The following BTN2A1 variants were observed in gnomAD, a reference collection of about 807,000 sequenced individuals.
BTN2A1 encodes butyrophilin subfamily 2 member A1.
Under a neutral mutation model 34.5 loss-of-function variants are expected in BTN2A1, and 41 were observed. The ratio of observed to expected loss-of-function variants is 1.19; its 90% CI spans 0.93 to 1.54. BTN2A1 has a LOEUF of 1.54. Ranked by LOEUF, BTN2A1 falls within the 40% of genes most tolerant of loss-of-function variation. The pLI is 0.00. For missense variants in BTN2A1, 642 were observed against 662.0 expected, an observed-to-expected ratio of 0.97 and a Z score of 0.33; for synonymous variants, 267 against 258.6, an observed-to-expected ratio of 1.03 and a Z score of -0.31.
At chr6:26,464,414 A>G (rs6911765) in intron 4 of BTN2A1, among the ~76,000 whole-genome samples, 18,640 of 152,242 alleles carry the variant, frequency 0.12, 1,982 homozygotes, top group African/African-American at 0.29. Flanking sequence ...ATGAACATCT[A>G]TAGGAAACAT....
rs996555951 is a variant in BTN2A1 at position 26,458,708 on chromosome 6, A to G, written c.72A>G (p.Ala24=). 2.5e-6 allele frequency: 4 copies of G among 1,613,886 alleles called. No individual in the cohort carries two copies. The highest frequency in any genetic ancestry group is 1.7e-5 in the Admixed American group (1 of 60,004). ...SLLLLLLSLC[A]LVSAQFIVVG... Reference sequence around the variant, plus strand: ...TCCTCCTCCTCCTCAGCCTGTGTGCACTGGTCTCAGGTAGGGATGTGTGCC... The same window carrying G: ...TCCTCCTCCTCCTCAGCCTGTGTGCGCTGGTCTCAGGTAGGGATGTGTGCC... Residue 24 remains alanine, a synonymous_variant, in exon 2 of 8, where the codon GCA becomes GCG. Coordinates refer to ENST00000312541, the MANE Select transcript of BTN2A1 (RefSeq NM_007049.5).
At chr6:26,465,767 T>A (rs867669630) in intron 5 of BTN2A1, 186 bp from the exon 6 acceptor site, 1 of 964,456 alleles carries the variant, frequency 1.0e-6, no homozygotes, top group Non-Finnish European at 1.2e-6. Flanking sequence ...AAAGCAAGTG[T>A]AACAATGTGC....
intron 7 of BTN2A1, 136 bp from the exon 8 acceptor site, chr6:26,467,812 A>G (rs1763356092): frequency 1.3e-6 from 2 of 1,559,108 alleles, no homozygotes; most frequent in Non-Finnish European, 1.7e-6. Context: ...GCTGCCTAGG[A>G]TCAGAGAGCC....
At chr6:26,465,930 G>T (rs1469464256) in intron 5 of BTN2A1, 23 bp from the exon 6 acceptor site, 1 of 1,614,062 alleles carries the variant, frequency 6.2e-7, no homozygotes, top group Admixed American at 1.7e-5. Context: ...TCAAAGACAT[G>T]ATTTTCTTTG....
intron 6 of BTN2A1, 44 bp from the exon 7 acceptor site, chr6:26,466,018 C>G (rs1417181524): frequency 1.9e-6 from 3 of 1,614,096 alleles, no homozygotes; most frequent in Non-Finnish European, 2.5e-6. Context: ...TTGAGTTCTG[C>G]TCAGCAACAT....
At chr6:26,472,564 C>T (rs568209497), downstream of BTN2A1, among the ~76,000 whole-genome samples, 84 of 152,214 alleles carry the variant, frequency 5.5e-4, 1 homozygote, top group African/African-American at 1.9e-3. Context: ...TGTGACCCAA[C>T]TAAAGTTGCA....
At chr6:26,474,571 GA>G (rs1763506318), downstream of BTN2A1, among the ~76,000 whole-genome samples, 1 of 152,146 alleles carries the variant, frequency 6.6e-6, no homozygotes, top group South Asian at 2.1e-4. Context: ...AGGCCTGGAA[GA>G]AAAGGGACTG....
chr6:26,459,724 C>T lies in BTN2A1; in HGVS notation c.326C>T (p.Ala109Val), dbSNP rs1180277481. 1.9e-6 allele frequency: 3 copies of T among 1,614,106 alleles called. No homozygotes were observed. The highest frequency in any genetic ancestry group is 1.6e-4 in the Middle Eastern group (1 of 6,062). Residue 109 changes from alanine to valine, a missense_variant, in exon 3 of 8, where the codon GCC becomes GTC. Coordinates refer to ENST00000312541, the MANE Select transcript of BTN2A1 (RefSeq NM_007049.5). ...VSKDISRGSV[A>V]LVIHNITAQE... is the part of the protein sequence containing the mutation. ...AAAGACATCAGCAGGGGCAGCGTGG[C>T]CCTGGTCATACACAACATCACAGCC...
rs1235728824 is a variant in BTN2A1, at chr6:26,463,421, T to G, written c.608T>G (p.Val203Gly). 3 of 1,614,122 alleles carry G rather than the reference T, an allele frequency of 1.9e-6. No individual in the cohort carries two copies. The highest frequency in any genetic ancestry group is 1.7e-6 in the Non-Finnish European group (2 of 1,179,992). The stretch of plus-strand genomic sequence containing the variant: ...CCTGATGCAGACGGCCTCTTCATGG[T>G]CACCACGGCTGTGATCATCAGAGAC... ...SMPDADGLFM[V>G]TTAVIIRDKS... Residue 203 changes from valine to glycine, a missense_variant, in exon 4 of 8, where the codon GTC becomes GGC. Transcript: ENST00000312541.
intron 5 of BTN2A1, 160 bp from the exon 6 acceptor site, chr6:26,465,793 A>G (rs1763296657): frequency 5.1e-6 from 5 of 984,920 alleles, no homozygotes; most frequent in Non-Finnish European, 6.0e-6. Flanking sequence ...CTACCCAGCC[A>G]CCTGATCATA....
rs776326806 is a variant in BTN2A1, at chr6:26,459,772, G to A, written c.374G>A (p.Cys125Tyr). 2 of 1,614,156 alleles carry A rather than the reference G, an allele frequency of 1.2e-6. No individual in the cohort carries two copies. The highest frequency in any genetic ancestry group is 1.7e-6 in the Non-Finnish European group (2 of 1,180,008). The change falls in exon 3 of 8, where the codon TGT becomes TAT. Residue 125 changes from cysteine (C) to tyrosine (Y), a missense_variant. Coordinates refer to ENST00000312541, the MANE Select transcript of BTN2A1 (RefSeq NM_007049.5). ...ITAQENGTYR[C>Y]YFQEGRSYDE... is the part of the protein sequence containing the mutation. ...GCCCAGGAAAACGGCACCTACCGCTGTTACTTCCAAGAAGGCAGGTCCTAC... is the reference window on the plus strand; with the variant it reads ...GCCCAGGAAAACGGCACCTACCGCTATTACTTCCAAGAAGGCAGGTCCTAC...
chr6:26,476,463 C>G, exon 8 of BTN2A1: 1 of 607,116 alleles, frequency 1.6e-6, no homozygotes. Context: ...AGATAGGTCT[C>G]TCTCTCTGGC....
intron 2 of BTN2A1, among the ~76,000 whole-genome samples, chr6:26,459,201 T>C (rs970758698): frequency 6.6e-6 from 1 of 152,140 alleles, no homozygotes; most frequent in Non-Finnish European, 1.5e-5. Context: ...AGCACTAGAT[T>C]GGGAAATCGA....
rs192639600 is a variant in BTN2A1, at chr6:26,464,098, G to A, written c.712+573G>A. Among the ~76,000 whole-genome samples, 10 of 152,140 alleles carry A rather than the reference G, an allele frequency of 6.6e-5. No individual in the cohort carries two copies. The East Asian group carries it at 7.7e-4, about 12-fold the overall frequency. ...ATTACAGGCGTGAGCCACCATACCC[G>A]GCCAGCAATTTTTAGACATTGAAAA... On this transcript the variant is annotated intron_variant, in intron 4 of 7. Coordinates refer to ENST00000312541, the MANE Select transcript of BTN2A1 (RefSeq NM_007049.5).
downstream of BTN2A1, among the ~76,000 whole-genome samples, chr6:26,470,824 C>G (rs1405177839): frequency 4.6e-5 from 7 of 152,198 alleles, no homozygotes; most frequent in Non-Finnish European, 7.3e-5. Flanking sequence ...CAGCTTGGTT[C>G]TGAGGCTGTC....
Position 26,468,934 on chromosome 6 carries a change from C to T in BTN2A1, c.*385C>T. On this transcript the variant is annotated 3_prime_UTR_variant, in exon 8 of 8. Transcript: ENST00000312541. ...GACTTGGAATGAGGCCTACAGGGTT[C>T]ACCAGGATGTAAGAGGAGAGAGGAA... 8.1e-7 allele frequency: 1 copy of T among 1,241,414 alleles called. No individual in the cohort carries two copies. The highest frequency in any genetic ancestry group is 1.0e-6 in the Non-Finnish European group (1 of 973,400). The allele number at this position is 1,241,414 out of a possible 1,614,324, so 76.9% of individuals were successfully genotyped here. A position where few individuals can be genotyped will look rare whatever the true frequency, so the allele number is the denominator to read the frequency against.
At chr6:26,466,182 A>T (rs562768300) in intron 7 of BTN2A1, 94 bp downstream of exon 7, 5 of 1,594,576 alleles carry the variant, frequency 3.1e-6, no homozygotes, top group Middle Eastern at 2.2e-4. Context: ...GGCCCAGGGC[A>T]AGGTGGGGAC....
chr6:26,476,537 G>A (rs1221690933), exon 8 of BTN2A1: 3 of 320,964 alleles, frequency 9.3e-6, no homozygotes, highest in East Asian at 7.0e-5. Flanking sequence ...CAACCACTTC[G>A]GCACATGTTC....
At chr6:26,467,863 A>C in intron 7 of BTN2A1, 85 bp from the exon 8 acceptor site, 1 of 1,564,706 alleles carries the variant, frequency 6.4e-7, no homozygotes, top group Non-Finnish European at 8.6e-7. Flanking sequence ...CTTCAGAGAT[A>C]TCTGAGACCT....
Sources: allele counts gnomAD v4.1 joint callset (sites outside exome capture counted in the v4.1 genomes callset), GRCh38; gene constraint gnomAD v4.1.1; transcripts MANE v1.5; gene names NCBI Gene and HGNC (gene_info 2026-07-23, HGNC 2026-07-21).